P2RY8: variants seen among roughly 807,000 people sequenced by gnomAD.
P2RY8 encodes P2Y receptor family member 8, also known as S-geranylgeranyl-glutathione receptor P2RY8.
A neutral mutation model predicts 10.0 loss-of-function variants in P2RY8; 6 were observed. That is an observed-to-expected ratio of 0.60 (90% CI 0.33 to 1.19). The LOEUF is 1.19. Ranked by LOEUF, P2RY8 falls within the 50% of genes most tolerant of loss-of-function variation. The pLI is 0.04. For synonymous variants in P2RY8, 276 were observed against 252.5 expected, an observed-to-expected ratio of 1.09 and a Z score of -0.88; for missense variants, 456 against 542.0, an observed-to-expected ratio of 0.84 and a Z score of 1.58.
chrX:1,504,145 G>A (rs1241009617), intron 1 of P2RY8, among the ~76,000 whole-genome samples: 7 of 151,492 alleles, frequency 4.6e-5, no homozygotes, highest in Admixed American at 1.3e-4. Context: ...ATGAAACCCC[G>A]TCTCTACTAA....
intron 1 of P2RY8, among the ~76,000 whole-genome samples, chrX:1,521,368 A>G (rs1278750664): frequency 1.3e-5 from 2 of 151,896 alleles, no homozygotes; most frequent in Non-Finnish European, 2.9e-5. Context: ...GATTTCTAAT[A>G]TTCTCTCTGT....
At chrX:1,498,650 T>G (rs2092144468) in intron 1 of P2RY8, among the ~76,000 whole-genome samples, 1 of 150,382 alleles carries the variant, frequency 6.6e-6, no homozygotes, top group Non-Finnish European at 1.5e-5. Flanking sequence ...CCTGAGTAGC[T>G]GGGATTACAG....
Position 1,465,459 on chromosome X carries a change from C to A in P2RY8, c.*20G>T. On this transcript the variant is annotated 3_prime_UTR_variant, in exon 2 of 2. Transcript: ENST00000381297. ...ATCTCCAAGCTGCGCCCCCGGCTCT[C>A]CAAGCTGCGCCCCCGGGACTCAGAA... 1 of 1,580,708 alleles carries A rather than the reference C, an allele frequency of 6.3e-7. No individual in the cohort carries two copies.
Position 1,511,095 on chromosome X carries a change from G to C in P2RY8, c.-25+25826C>G, listed in dbSNP as rs180674481. 2.5e-3 allele frequency among the ~76,000 whole-genome samples: 373 copies of C among 151,916 alleles called. 2 individuals carry two copies. The highest frequency in any genetic ancestry group is 8.7e-3 in the African/African-American group (360 of 41,412). ...CTCAGGAGGCTGAGGCAGGAGAATG[G>C]CATGAAGCTGGAAGGCAGAGGTTGC... On this transcript the variant is annotated intron_variant, in intron 1 of 1. Coordinates refer to ENST00000381297, the MANE Select transcript of P2RY8 (RefSeq NM_178129.5).
intron 1 of P2RY8, among the ~76,000 whole-genome samples, chrX:1,483,217 A>G (rs1196756675): frequency 3.9e-5 from 6 of 152,184 alleles, no homozygotes; most frequent in Non-Finnish European, 8.8e-5. Flanking sequence ...GTTTCCAGCC[A>G]TGTGCTCAGC....
At chrX:1,508,594 G>T (rs1359573609) in intron 1 of P2RY8, among the ~76,000 whole-genome samples, 1 of 144,008 alleles carries the variant, frequency 6.9e-6, no homozygotes, top group Non-Finnish European at 1.6e-5. Flanking sequence ...GTATCTATCT[G>T]TCTAGCCATC....
At chrX:1,489,607 G>T (rs2092022873) in intron 1 of P2RY8, among the ~76,000 whole-genome samples, 1 of 151,584 alleles carries the variant, frequency 6.6e-6, no homozygotes, top group Non-Finnish European at 1.5e-5. Flanking sequence ...CAAATGTGGA[G>T]GGAACGAATG....
rs1303914685 is a variant in P2RY8, at chrX:1,530,145, GTATGTATGTATGATCTATCTATC to G, written c.-25+6753_-25+6775del. Among the ~76,000 whole-genome samples, 121 of 14,742 alleles carry G rather than the reference GTATGTATGTATGATCTATCTATC, an allele frequency of 8.2e-3. No homozygotes were observed. In the East Asian group the frequency reaches 0.13, roughly 16 times the overall value. The allele number at this position is 14,742 out of a possible 152,430, so 9.7% of individuals were successfully genotyped here. A position where few individuals can be genotyped will look rare whatever the true frequency, so the allele number is the denominator to read the frequency against. On this transcript the variant is annotated intron_variant, in intron 1 of 1. Transcript: ENST00000381297. ...TGCATCTATGTATGTATGTATGTAT[GTATGTATGTATGATCTATCTATC>G]TATCTATCTATCTATCTATCTATCT... is the stretch of plus-strand genomic sequence containing the variant.
At chrX:1,517,432 C>T (rs1171247043) in intron 1 of P2RY8, among the ~76,000 whole-genome samples, 1 of 152,172 alleles carries the variant, frequency 6.6e-6, no homozygotes, top group Non-Finnish European at 1.5e-5. Context: ...CCACAAACAC[C>T]CCCAACCTTG....
intron 1 of P2RY8, among the ~76,000 whole-genome samples, chrX:1,492,879 C>T (rs6644717): frequency 8.0e-4 from 121 of 151,838 alleles, no homozygotes; most frequent in African/African-American, 2.8e-3. Context: ...TCAAGGCTAA[C>T]GAGCAGCACT....
chrX:1,481,026 C>G lies in P2RY8; in HGVS notation c.-24-14444G>C, dbSNP rs191217692. Among the ~76,000 whole-genome samples the G allele has an allele frequency of 3.6e-3, 549 of 152,106 alleles. 3 individuals carry two copies. Among genetic ancestry groups the G allele is most frequent in the African/African-American group, 0.013 (519 of 41,508 alleles). ...TCAGGGAATTGCAAATTAATACCGC[C>G]GAGACATGCCGGCCGACAGGTCTCA... On this transcript the variant is annotated intron_variant, in intron 1 of 1. Coordinates refer to ENST00000381297, the MANE Select transcript of P2RY8 (RefSeq NM_178129.5).
rs776362196 is a variant in P2RY8, at chrX:1,499,355, G to A, written c.-24-32773C>T. The stretch of plus-strand genomic sequence containing the variant: ...CAATTTTTATATTTTTAGTAGAGAC[G>A]GGGTTTCACCATGTTGGCCAGGCTG... On this transcript the variant is annotated intron_variant, in intron 1 of 1. Coordinates refer to ENST00000381297, the MANE Select transcript of P2RY8 (RefSeq NM_178129.5). 1.9e-4 allele frequency among the ~76,000 whole-genome samples: 28 copies of A among 150,656 alleles called. No individual in the cohort carries two copies. In the South Asian group the frequency reaches 2.7e-3, roughly 15 times the overall value.
intron 1 of P2RY8, among the ~76,000 whole-genome samples, chrX:1,489,419 G>A (rs1388788148): frequency 4.6e-5 from 7 of 150,554 alleles, no homozygotes; most frequent in South Asian, 2.1e-4. Context: ...ATTCACTTCC[G>A]TAAATGTAGA....
At chrX:1,518,782 G>A (rs1384825653) in intron 1 of P2RY8, among the ~76,000 whole-genome samples, 1 of 151,624 alleles carries the variant, frequency 6.6e-6, no homozygotes, top group Non-Finnish European at 1.5e-5. Context: ...CCAGTCTCCA[G>A]TATTCTTTCT....
chrX:1,509,409 TATC>T (rs2092274641), intron 1 of P2RY8, among the ~76,000 whole-genome samples: 1 of 143,592 alleles, frequency 7.0e-6, no homozygotes, highest in Non-Finnish European at 1.5e-5. Flanking sequence ...TCTATCTATC[TATC>T]TATTTCTATT....
At chrX:1,507,720 A>G (rs1276478268) in intron 1 of P2RY8, among the ~76,000 whole-genome samples, 1 of 152,106 alleles carries the variant, frequency 6.6e-6, no homozygotes, top group African/African-American at 2.4e-5. Context: ...CACATTCATG[A>G]GTAGCTTCAT....
intron 1 of P2RY8, among the ~76,000 whole-genome samples, chrX:1,493,054 G>A (rs1390255594): frequency 4.0e-5 from 6 of 151,628 alleles, no homozygotes; most frequent in East Asian, 3.9e-4. Context: ...TTGGGAGGCC[G>A]AAGCGGGTGG....
chrX:1,503,107 A>T (rs1439305540), intron 1 of P2RY8, among the ~76,000 whole-genome samples: 9 of 150,774 alleles, frequency 6.0e-5, no homozygotes, highest in Non-Finnish European at 1.2e-4. Context: ...AGAAGAGGAG[A>T]CGCAGACACA....
At chrX:1,515,946 TCG>T (rs1491429617) in intron 1 of P2RY8, among the ~76,000 whole-genome samples, 16 of 77,944 alleles carry the variant, frequency 2.1e-4, no homozygotes, top group East Asian at 5.4e-4. Context: ...GGCCGAGGGG[TCG>T]GGGGGTGGTG....
Sources: allele counts gnomAD v4.1 joint callset (sites outside exome capture counted in the v4.1 genomes callset), GRCh38; gene constraint gnomAD v4.1.1; transcripts MANE v1.5; gene names NCBI Gene and HGNC (gene_info 2026-07-23, HGNC 2026-07-21).